PARD3: variants seen among roughly 807,000 people sequenced by gnomAD.
PARD3 encodes par-3 family cell polarity regulator.
Under a neutral mutation model 155.4 loss-of-function variants are expected in PARD3, and 75 were observed. The ratio of observed to expected loss-of-function variants is 0.48; its 90% CI spans 0.40 to 0.58. PARD3 has a LOEUF of 0.58. PARD3 is among the 20% of genes least tolerant of loss of function. PARD3 has a pLI of 0.00. For synonymous variants in PARD3, 576 were observed against 610.5 expected, an observed-to-expected ratio of 0.94 and a Z score of 0.83; for missense variants, 1,642 against 1,721.7, an observed-to-expected ratio of 0.95 and a Z score of 0.82.
At chr10:34,324,833 C>T (rs547292429) in intron 19 of PARD3, among the ~76,000 whole-genome samples, 1 of 152,242 alleles carries the variant, frequency 6.6e-6, no homozygotes, top group South Asian at 2.1e-4. Context: ...TTCCTTTGCT[C>T]TGGTACTGCC....
intron 1 of PARD3, among the ~76,000 whole-genome samples, chr10:34,749,201 G>A (rs1835684213): frequency 6.6e-6 from 1 of 152,158 alleles, no homozygotes; most frequent in Non-Finnish European, 1.5e-5. Flanking sequence ...AGACCATGAT[G>A]TCCTGACACC....
At chr10:34,372,740 T>C (rs1840819314) in intron 11 of PARD3, among the ~76,000 whole-genome samples, 1 of 152,128 alleles carries the variant, frequency 6.6e-6, no homozygotes, top group African/African-American at 2.4e-5. Flanking sequence ...TTTTAAGAAA[T>C]TTTTCTAGAT....
intron 2 of PARD3, among the ~76,000 whole-genome samples, chr10:34,519,823 A>AACATG (rs2082019094): frequency 2.5e-5 from 2 of 78,864 alleles, no homozygotes; most frequent in South Asian, 6.8e-4. Flanking sequence ...CAAAATAAAT[A>AACATG]ACATAACATA....
Position 34,360,219 on chromosome 10 carries a change from G to A in PARD3, c.1748C>T (p.Thr583Ile). ...GACTTCAAATGTCAGAAATTCCCTG[G>A]TGCCATCAGGTGTAAGAACAATATC... ...DEDIVLTPDG[T>I]REFLTFEVPL... Residue 583 changes from threonine (T) to isoleucine (I), a missense_variant, in exon 13 of 25, where the codon ACC becomes ATC. This residue lies in a region of PARD3 where 1,529 missense variants were observed against 1,587.3 expected (regional missense o/e 0.96). Coordinates refer to ENST00000374788, the MANE Select transcript of PARD3 (RefSeq NM_001184785.2). The A allele has an allele frequency of 6.2e-7, 1 of 1,613,728 alleles. No individual in the cohort carries two copies. The highest frequency in any genetic ancestry group is 1.1e-5 in the South Asian group (1 of 91,066).
chr10:34,726,637 T>C (rs1175303241), intron 1 of PARD3, among the ~76,000 whole-genome samples: 1 of 151,954 alleles, frequency 6.6e-6, no homozygotes, highest in Non-Finnish European at 1.5e-5. Context: ...GACAGGCACC[T>C]GTAGTCCCAG....
At chr10:34,145,189 GTA>G (rs575139416) in intron 22 of PARD3, among the ~76,000 whole-genome samples, 4,889 of 49,434 alleles carry the variant, frequency 0.099, 545 homozygotes, top group South Asian at 0.14. Flanking sequence ...GTGTGTGTGT[GTA>G]TATATATATA....
intron 3 of PARD3, among the ~76,000 whole-genome samples, chr10:34,503,167 T>A (rs1356669402): frequency 2.0e-5 from 3 of 152,228 alleles, no homozygotes; most frequent in African/African-American, 7.2e-5. Flanking sequence ...GGCTATAACA[T>A]CTCTGCCAAG....
chr10:34,340,957 G>A (rs1269064351), intron 16 of PARD3, among the ~76,000 whole-genome samples: 1 of 151,974 alleles, frequency 6.6e-6, no homozygotes, highest in Admixed American at 6.6e-5. Flanking sequence ...AACCTTGTGA[G>A]GTCGTCCCCA....
intron 7 of PARD3, among the ~76,000 whole-genome samples, chr10:34,397,969 T>C (rs1399457280): frequency 2.0e-5 from 3 of 152,224 alleles, no homozygotes; most frequent in Non-Finnish European, 2.9e-5. Flanking sequence ...CAAGGCCATG[T>C]TGAAAATAAT....
chr10:34,341,738 A>G lies in PARD3; in HGVS notation c.2297T>C (p.Leu766Pro). The change falls in exon 16 of 25, where the codon CTT (leucine) becomes CCT (proline). Residue 766 changes from leucine (L) to proline (P), a missense_variant. Around this residue, in one of 3 missense-constraint regions of PARD3, gnomAD observed 1,529 missense variants for 1,587.3 expected, o/e 0.96. Coordinates refer to ENST00000374788, the MANE Select transcript of PARD3 (RefSeq NM_001184785.2). ...VIIEDDRLPVLPPHLSDQSSS... is the reference protein window; with the variant it reads ...VIIEDDRLPVPPPHLSDQSSS... ...GGACTGGTCAGAGAGATGTGGAGGA[A>G]GCACTGGCAACCTGTCATCTTCTAT... 18 of 1,613,636 alleles carry G rather than the reference A, an allele frequency of 1.1e-5. No individual in the cohort carries two copies. Among genetic ancestry groups the G allele is most frequent in the Non-Finnish European group, 1.5e-5 (18 of 1,179,576 alleles).
At chr10:34,255,217 A>T (rs1347160481) in intron 22 of PARD3, among the ~76,000 whole-genome samples, 2 of 152,014 alleles carry the variant, frequency 1.3e-5, no homozygotes, top group Admixed American at 1.3e-4. Context: ...TCCTCAAGAC[A>T]CTTGGCTGCC....
chr10:34,461,618 T>C (rs2077658552), intron 4 of PARD3, among the ~76,000 whole-genome samples: 1 of 151,950 alleles, frequency 6.6e-6, no homozygotes. Context: ...GAAAAATAAA[T>C]AAATAAATAA....
intron 5 of PARD3, among the ~76,000 whole-genome samples, chr10:34,421,509 C>A (rs551160270): frequency 6.6e-6 from 1 of 151,500 alleles, no homozygotes; most frequent in South Asian, 2.1e-4. Flanking sequence ...CTTAAAAGCA[C>A]AGGAATCACT....
At chr10:34,270,866 C>G (rs1262070306) in intron 21 of PARD3, among the ~76,000 whole-genome samples, 1 of 152,092 alleles carries the variant, frequency 6.6e-6, no homozygotes, top group African/African-American at 2.4e-5. Flanking sequence ...TAAATGCTCA[C>G]CTTTACTGAA....
At position 34,450,460 on chromosome 10, in the gene PARD3, GAAAC is replaced by G; in HGVS notation, c.583-16_583-13del. 1 of 1,596,498 alleles carries G rather than the reference GAAAC, an allele frequency of 6.3e-7. No homozygotes were observed. Among genetic ancestry groups the G allele is most frequent in the Non-Finnish European group, 8.5e-7 (1 of 1,175,160 alleles). On this transcript the variant is annotated splice_polypyrimidine_tract_variant and intron_variant, in intron 4 of 24. Transcript: ENST00000374788. ...TAGTTTTCATCTTTCTATTCAAAAA[GAAAC>G]AAAAAGGTGTCTTGTAAAAAACCAG...
intron 2 of PARD3, among the ~76,000 whole-genome samples, chr10:34,636,428 G>A (rs1590340206): frequency 6.6e-6 from 1 of 152,162 alleles, no homozygotes; most frequent in African/African-American, 2.4e-5. Flanking sequence ...AATTCACTGG[G>A]TGCCCCCTGT....
chr10:34,344,523 C>G (rs1837197726), intron 15 of PARD3: 1 of 877,306 alleles, frequency 1.1e-6, no homozygotes, highest in Non-Finnish European at 1.4e-6. Flanking sequence ...CTCAGTTGAT[C>G]CACCTGCCTG....
At chr10:34,637,906 T>C (rs534352241) in intron 2 of PARD3, among the ~76,000 whole-genome samples, 2 of 152,356 alleles carry the variant, frequency 1.3e-5, no homozygotes, top group African/African-American at 4.8e-5. Context: ...TATACAAGCA[T>C]GTTTACACAG....
chr10:34,184,391 T>C (rs1950394587), intron 22 of PARD3, among the ~76,000 whole-genome samples: 1 of 152,128 alleles, frequency 6.6e-6, no homozygotes. Flanking sequence ...GCATATCCAC[T>C]CTGTCAAGAA....
Sources: allele counts gnomAD v4.1 joint callset (sites outside exome capture counted in the v4.1 genomes callset), GRCh38; gene constraint gnomAD v4.1.1; regional missense constraint gnomAD v4.1.1; transcripts MANE v1.5; gene names NCBI Gene and HGNC (gene_info 2026-07-23, HGNC 2026-07-21).